RABEP1: variants seen among roughly 807,000 people sequenced by gnomAD.
RABEP1 encodes rab GTPase-binding effector protein 1.
RABEP1 carries 51 observed loss-of-function variants against 123.4 expected under a neutral mutation model. That is an observed-to-expected ratio of 0.41 (90% confidence interval 0.33 to 0.52). The LOEUF is 0.52. Ranked by LOEUF, RABEP1 falls within the 20% of genes least tolerant of loss-of-function variation. The probability of loss-of-function intolerance (pLI) is 0.16; values close to 1 mark genes in which losing one functional copy is unlikely to be tolerated. For synonymous variants in RABEP1, 347 were observed against 355.2 expected, an observed-to-expected ratio of 0.98 and a Z score of 0.26; for missense variants, 888 against 996.3, an observed-to-expected ratio of 0.89 and a Z score of 1.46.
intron 12 of RABEP1, among the ~76,000 whole-genome samples, chr17:5,372,582 G>A (rs1308760853): frequency 1.3e-5 from 2 of 152,196 alleles, no homozygotes; most frequent in Non-Finnish European, 2.9e-5. Context: ...TACATAATAG[G>A]AAATGAAGAC....
intron 8 of RABEP1, among the ~76,000 whole-genome samples, chr17:5,354,712 C>T (rs1463575083): frequency 2.0e-5 from 3 of 152,134 alleles, no homozygotes; most frequent in Non-Finnish European, 4.4e-5. Context: ...AATAGATGTT[C>T]TTTTTTCCAG....
At chr17:5,347,865 T>G (rs935067614) in intron 6 of RABEP1, among the ~76,000 whole-genome samples, 2 of 152,248 alleles carry the variant, frequency 1.3e-5, no homozygotes, top group East Asian at 3.8e-4. Flanking sequence ...AGAAATAATG[T>G]AAATTATTGA....
intron 10 of RABEP1, among the ~76,000 whole-genome samples, 193 bp downstream of exon 10, chr17:5,363,209 TTTTTTTG>T (rs1909712090): frequency 6.6e-6 from 1 of 151,714 alleles, no homozygotes; most frequent in African/African-American, 2.4e-5. Context: ...CTGCTTTTTT[TTTTTTTG>T]TTTTTGTTTT....
chr17:5,378,176 G>T lies in RABEP1; in HGVS notation c.2216-1G>T, dbSNP rs1171135919. 1.8e-5 allele frequency: 29 copies of T among 1,573,070 alleles called. No homozygotes were observed. Among genetic ancestry groups the T allele is most frequent in the Middle Eastern group, 1.7e-4 (1 of 5,946 alleles). The stretch of plus-strand genomic sequence containing the variant: ...AATACATCTCATTTTTTTCCTTCTA[G>T]CTTCTATTTCTAGCCTAAAAGCTGA... On this transcript the variant is annotated splice_acceptor_variant, in intron 14 of 17. Coordinates refer to ENST00000537505, the MANE Select transcript of RABEP1 (RefSeq NM_004703.6). LOFTEE classifies it high-confidence loss of function.
intron 17 of RABEP1, 57 bp from the exon 18 acceptor site, chr17:5,383,065 A>G: frequency 6.9e-7 from 1 of 1,458,886 alleles, no homozygotes; most frequent in Non-Finnish European, 9.6e-7. Flanking sequence ...AAACCAGTCA[A>G]AGTTCAGAAA....
chr17:5,282,454 C>A lies in RABEP1; in HGVS notation c.-33C>A. Reference sequence around the variant, plus strand: ...GGAGCCCAGGACGCCGCTTCCCCGCCCATCCCCGCTCCCCGAGGCCGGCCG... The same window carrying A: ...GGAGCCCAGGACGCCGCTTCCCCGCACATCCCCGCTCCCCGAGGCCGGCCG... On this transcript the variant is annotated 5_prime_UTR_variant, in exon 1 of 18. Coordinates refer to ENST00000537505, the MANE Select transcript of RABEP1 (RefSeq NM_004703.6). 2 of 1,347,198 alleles carry A rather than the reference C, an allele frequency of 1.5e-6. No homozygotes were observed. Among genetic ancestry groups the A allele is most frequent in the Non-Finnish European group, 1.9e-6 (2 of 1,039,492 alleles). 83.5% of individuals were successfully genotyped at this position (1,347,198 alleles called of 1,614,324 possible).
Position 5,332,805 on chromosome 17 carries a change from G to A in RABEP1, c.367+653G>A, listed in dbSNP as rs540991419. Among the ~76,000 whole-genome samples the A allele has an allele frequency of 1.3e-4, 20 of 151,826 alleles. 1 individual carries two copies. In the South Asian group the frequency reaches 3.3e-3, roughly 25 times the overall value. Reference sequence around the variant, plus strand: ...GTATTTTTAGTAGAGACGGGATTTCGCCATGTTGGTCAGGCTGGTCTTGAA... The same window carrying A: ...GTATTTTTAGTAGAGACGGGATTTCACCATGTTGGTCAGGCTGGTCTTGAA... On this transcript the variant is annotated intron_variant, in intron 3 of 17. Transcript: ENST00000537505.
chr17:5,315,557 A>G (rs1243847564), intron 2 of RABEP1, among the ~76,000 whole-genome samples: 1 of 152,122 alleles, frequency 6.6e-6, no homozygotes, highest in East Asian at 1.9e-4. Flanking sequence ...AGGAAAAATA[A>G]TAGTAAATTC....
chr17:5,306,366 G>T (rs1198660639), intron 1 of RABEP1, among the ~76,000 whole-genome samples: 2 of 152,202 alleles, frequency 1.3e-5, no homozygotes, highest in African/African-American at 4.8e-5. Flanking sequence ...GGTGGCTCAT[G>T]CCTGTGATCG....
Position 5,352,555 on chromosome 17 carries a change from G to T in RABEP1, c.964-1804G>T, listed in dbSNP as rs115781130. On this transcript the variant is annotated intron_variant, in intron 7 of 17. Transcript: ENST00000537505. ...ATTAAAAGAGTCTAAACTTGGCCGG[G>T]CGCGGATGGTCACACCTGTAATCCC... 6.5e-3 allele frequency among the ~76,000 whole-genome samples: 982 copies of T among 151,952 alleles called. 11 individuals carry two copies. Among genetic ancestry groups the T allele is most frequent in the African/African-American group, 0.022 (924 of 41,466 alleles).
chr17:5,362,661 G>C (rs971991457), intron 9 of RABEP1, among the ~76,000 whole-genome samples: 1 of 152,102 alleles, frequency 6.6e-6, no homozygotes, highest in African/African-American at 2.4e-5. Flanking sequence ...TGCTTGCTTT[G>C]TGTTTTCCTC....
At chr17:5,355,012 G>T (rs2144658660) in intron 8 of RABEP1, among the ~76,000 whole-genome samples, 1 of 152,266 alleles carries the variant, frequency 6.6e-6, no homozygotes, top group Admixed American at 6.5e-5. Flanking sequence ...GTGTTCTGTG[G>T]CCTTGTCACC....
chr17:5,348,412 A>G (rs1034626393), intron 6 of RABEP1, among the ~76,000 whole-genome samples: 2 of 152,216 alleles, frequency 1.3e-5, no homozygotes, highest in African/African-American at 4.8e-5. Context: ...GAAGTCTAAG[A>G]AAAGCAGTTC....
chr17:5,356,962 C>G (rs1476620013), intron 8 of RABEP1, among the ~76,000 whole-genome samples: 9 of 151,554 alleles, frequency 5.9e-5, no homozygotes, highest in Non-Finnish European at 7.4e-5. Context: ...ATTGCAACCT[C>G]TGCCTCCCAG....
intron 2 of RABEP1, among the ~76,000 whole-genome samples, chr17:5,331,687 G>A (rs1001756081): frequency 1.3e-5 from 2 of 152,142 alleles, no homozygotes; most frequent in African/African-American, 2.4e-5. Flanking sequence ...AGGCCAGAGA[G>A]ATTAAATAAC....
chr17:5,380,405 T>C lies in RABEP1; in HGVS notation c.2313T>C (p.Ser771=). ...GAGAGAAGTCTCAACAGCTTGAGAG[T>C]CTTCAGGAAATAAAGATCAGTTTGG... is the stretch of plus-strand genomic sequence containing the variant. ...TLREKSQQLE[S]LQEIKISLEE... is the part of the protein sequence containing the mutation. Residue 771 remains serine, a synonymous_variant, in exon 16 of 18, where the codon AGT becomes AGC. Coordinates refer to ENST00000537505, the MANE Select transcript of RABEP1 (RefSeq NM_004703.6). 6.4e-7 allele frequency: 1 copy of C among 1,574,242 alleles called. No individual in the cohort carries two copies. The highest frequency in any genetic ancestry group is 8.6e-7 in the Non-Finnish European group (1 of 1,158,532).
chr17:5,372,612 C>T (rs999150860), intron 12 of RABEP1, among the ~76,000 whole-genome samples: 2 of 152,214 alleles, frequency 1.3e-5, no homozygotes, highest in Non-Finnish European at 2.9e-5. Flanking sequence ...TTTCTCCCTC[C>T]TTTCTGTCCA....
intron 1 of RABEP1, among the ~76,000 whole-genome samples, chr17:5,296,598 G>A (rs992692610): frequency 3.3e-5 from 5 of 151,908 alleles, no homozygotes; most frequent in African/African-American, 1.2e-4. Flanking sequence ...TTGGTAAAAC[G>A]GGAAACATTT....
At position 5,300,713 on chromosome 17, in the gene RABEP1, G is replaced by A. The variant is rs79661026; in HGVS notation, c.35-7981G>A. On this transcript the variant is annotated intron_variant, in intron 1 of 17. Transcript: ENST00000537505. ...TTAATCATTGCTTAGCACCCTATGA[G>A]CAGTCTTTAAGAGTATGGTAGTGGG... Among the ~76,000 whole-genome samples the A allele has an allele frequency of 8.3e-3, 1,271 of 152,246 alleles. 18 individuals are homozygous for A. The highest frequency in any genetic ancestry group is 0.029 in the African/African-American group (1,194 of 41,540).
Sources: allele counts gnomAD v4.1 joint callset (sites outside exome capture counted in the v4.1 genomes callset), GRCh38; gene constraint gnomAD v4.1.1; transcripts MANE v1.5; gene names NCBI Gene and HGNC (gene_info 2026-07-23, HGNC 2026-07-21).